PRCP: variants seen among roughly 807,000 people sequenced by gnomAD.
The protein encoded by PRCP is lysosomal Pro-X carboxypeptidase.
Under a neutral mutation model 54.2 loss-of-function variants are expected in PRCP, and 46 were observed. The observed-to-expected ratio is 0.85, with a 90% CI of 0.67 to 1.09. PRCP has a LOEUF of 1.09. Ranked by LOEUF, PRCP falls within the 50% of genes least tolerant of loss-of-function variation. The pLI is 0.00. For missense variants in PRCP, 613 were observed against 596.8 expected (o/e 1.03, Z -0.28); for synonymous variants, 240 against 212.2 (o/e 1.13, Z -1.14).
chr11:82,855,828 A>G (rs1859069563), intron 2 of PRCP, among the ~76,000 whole-genome samples: 1 of 152,212 alleles, frequency 6.6e-6, no homozygotes, highest in Non-Finnish European at 1.5e-5. Context: ...TAGGATGGCT[A>G]TTATTAAAAA....
chr11:82,833,269 G>A (rs1304312300), intron 8 of PRCP, among the ~76,000 whole-genome samples: 6 of 152,160 alleles, frequency 3.9e-5, no homozygotes, highest in South Asian at 2.1e-4. Flanking sequence ...AGTGATAAGC[G>A]GTATTTACAG....
intron 2 of PRCP, chr11:82,858,188 C>G (rs527523733): frequency 7.2e-4 from 109 of 152,278 alleles, no homozygotes; most frequent in African/African-American, 2.6e-3. Context: ...TGCAAGTCCC[C>G]TAATCTTCTT....
At position 82,900,234 on chromosome 11, in the gene PRCP, C is replaced by G; in HGVS notation, c.168+1G>C. The G allele has an allele frequency of 3.7e-6, 6 of 1,614,122 alleles. No homozygotes were observed. The highest frequency in any genetic ancestry group is 5.1e-6 in the Non-Finnish European group (6 of 1,179,980). On this transcript the variant is annotated splice_donor_variant, in intron 1 of 8. Transcript: ENST00000313010. LOFTEE classifies it high-confidence loss of function. ...ACGGCGAAGCCCCCGCTCCCCCTTA[C>G]CTTCTGTTGGAAGTAGAGAACCGAA...
chr11:82,836,991 TC>T, intron 8 of PRCP: 1 of 285,710 alleles, frequency 3.5e-6, no homozygotes, highest in Non-Finnish European at 6.9e-6. Context: ...GTTATGGGGC[TC>T]CACCCTTATG....
intron 3 of PRCP, among the ~76,000 whole-genome samples, chr11:82,851,138 TC>T (rs1470225765): frequency 3.3e-5 from 5 of 152,190 alleles, no homozygotes; most frequent in Non-Finnish European, 7.4e-5. Context: ...GAAGACAATT[TC>T]CCTACTGCAG....
chr11:82,848,623 T>C (rs756335325), intron 6 of PRCP, among the ~76,000 whole-genome samples: 37 of 152,362 alleles, frequency 2.4e-4, no homozygotes, highest in South Asian at 4.1e-4. Context: ...CGCAGCTGAC[T>C]AGATCATGGT....
intron 8 of PRCP, chr11:82,825,392 T>G: frequency 5.6e-6 from 2 of 356,178 alleles, no homozygotes; most frequent in Non-Finnish European, 1.0e-5. Flanking sequence ...GATATGAAAT[T>G]TAGAAACCTG....
intron 6 of PRCP, chr11:82,843,091 CTT>C (rs1858714475): frequency 6.6e-6 from 1 of 152,348 alleles, no homozygotes; most frequent in African/African-American, 2.4e-5. Context: ...AGTAGGACCA[CTT>C]GAGGCCAGGA....
At chr11:82,829,101 A>G (rs894392130) in intron 8 of PRCP, 1 of 152,192 alleles carries the variant, frequency 6.6e-6, no homozygotes, top group East Asian at 1.9e-4. Flanking sequence ...AGTTACTATA[A>G]TAGCCTTTTA....
At chr11:82,900,137 G>C in intron 1 of PRCP, 98 bp downstream of exon 1, 1 of 1,439,188 alleles carries the variant, frequency 6.9e-7, no homozygotes, top group Non-Finnish European at 9.6e-7. Flanking sequence ...TAGGCATCAA[G>C]GGGTGTGAAT....
chr11:82,878,373 G>A (rs138041606), intron 1 of PRCP, among the ~76,000 whole-genome samples: 2,083 of 152,256 alleles, frequency 0.014, 46 homozygotes, highest in African/African-American at 0.047. Context: ...GGTGGGGCCA[G>A]GAGTGGTATG....
At chr11:82,851,944 C>T (rs1858968625) in intron 3 of PRCP, among the ~76,000 whole-genome samples, 1 of 152,234 alleles carries the variant, frequency 6.6e-6, no homozygotes, top group Admixed American at 6.5e-5. Context: ...CAGTTGAGTG[C>T]ATTTTTTTTC....
intron 6 of PRCP, chr11:82,840,602 C>T (rs1591041472): frequency 6.6e-6 from 1 of 152,110 alleles, no homozygotes; most frequent in East Asian, 1.9e-4. Context: ...ATTATTTTAA[C>T]TTTTCCATAT....
intron 1 of PRCP, among the ~76,000 whole-genome samples, chr11:82,895,319 T>C (rs756907419): frequency 1.2e-4 from 18 of 152,170 alleles, no homozygotes; most frequent in Non-Finnish European, 2.5e-4. Flanking sequence ...TGGTATGCTT[T>C]AGGTTTTGTT....
At chr11:82,837,394 G>T (rs549607476) in intron 8 of PRCP, among the ~76,000 whole-genome samples, 1 of 152,178 alleles carries the variant, frequency 6.6e-6, no homozygotes, top group Non-Finnish European at 1.5e-5. Flanking sequence ...TGCTCAAGCT[G>T]GTGATATATC....
chr11:82,873,522 A>T (rs1377137559), intron 1 of PRCP, among the ~76,000 whole-genome samples: 3 of 152,228 alleles, frequency 2.0e-5, no homozygotes, highest in Non-Finnish European at 4.4e-5. Context: ...CAAGAAATTG[A>T]TAGAAGGTAA....
intron 6 of PRCP, among the ~76,000 whole-genome samples, chr11:82,847,050 G>A (rs1219140920): frequency 6.6e-6 from 1 of 152,222 alleles, no homozygotes. Flanking sequence ...CAACTGCAGA[G>A]TTGAGTAATT....
chr11:82,899,083 G>A (rs1328252888), intron 1 of PRCP, among the ~76,000 whole-genome samples: 1 of 152,166 alleles, frequency 6.6e-6, no homozygotes, highest in African/African-American at 2.4e-5. Flanking sequence ...TAAGGGCTGG[G>A]CTCAGTGGCT....
intron 1 of PRCP, among the ~76,000 whole-genome samples, chr11:82,860,607 C>G (rs1283467671): frequency 6.6e-6 from 1 of 151,978 alleles, no homozygotes; most frequent in Non-Finnish European, 1.5e-5. Context: ...AATCTACTCC[C>G]TTAGCAATTT....
Sources: gnomAD v4.1 joint callset for allele counts (sites outside exome capture counted in the v4.1 genomes callset) on GRCh38, gnomAD v4.1.1 for gene constraint, MANE v1.5 for transcripts, NCBI Gene and HGNC (gene_info 2026-07-23, HGNC 2026-07-21) for gene names.